The following WNT4 variants were observed in gnomAD, a reference collection of about 807,000 sequenced individuals.
WNT4 encodes protein Wnt-4.
WNT4 carries 16 observed loss-of-function variants against 34.5 expected under a neutral mutation model. That is an observed-to-expected ratio of 0.46 (90% CI 0.31 to 0.70). The LOEUF (loss-of-function observed/expected upper bound fraction) is 0.70, where lower values mean the gene tolerates loss of function less well. Among genes scored for constraint, WNT4 ranks in the 30% least tolerant of loss-of-function variants. The pLI is 0.04. For synonymous variants in WNT4, 200 were observed against 211.9 expected (o/e 0.94, Z 0.49); for missense variants, 379 against 495.9 (o/e 0.76, Z 2.24).
At chr1:22,141,540 C>T (rs1646067242) in intron 1 of WNT4, among the ~76,000 whole-genome samples, 1 of 152,150 alleles carries the variant, frequency 6.6e-6, no homozygotes, top group Admixed American at 6.5e-5. Context: ...GCCACTGCTC[C>T]TGAAGTGTTA....
In WNT4 at chr1:22,142,185, A is replaced by G. The variant is rs913696476; in HGVS notation, c.77+661T>C. ...CCACCCCTTCCTCCTTAGGCTAGAC[A>G]CGGGGAGCTGGGGGGCCGTTGTCTT... On this transcript the variant is annotated intron_variant, in intron 1 of 4. Coordinates refer to ENST00000290167, the MANE Select transcript of WNT4 (RefSeq NM_030761.5). The surrounding 1 kb of genome is among the most constrained non-coding windows in gnomAD (Gnocchi z 6.0). Among the ~76,000 whole-genome samples, 7 of 152,222 alleles carry G rather than the reference A, an allele frequency of 4.6e-5. No individual in the cohort carries two copies. The South Asian group carries it at 8.3e-4, about 18-fold the overall frequency.
intron 2 of WNT4, chr1:22,126,991 A>T (rs770570092): frequency 3.9e-5 from 13 of 332,384 alleles, no homozygotes; most frequent in Non-Finnish European, 7.7e-5. Context: ...CTCAGACCTC[A>T]GGAGGGACAA....
intron 2 of WNT4, among the ~76,000 whole-genome samples, chr1:22,126,678 T>C (rs568901148): frequency 6.6e-6 from 1 of 152,374 alleles, no homozygotes; most frequent in African/African-American, 2.4e-5. Flanking sequence ...GCCGCTCATG[T>C]ATGCAGGCTC....
chr1:22,129,911 C>T, intron 1 of WNT4, 60 bp from the exon 2 acceptor site: 2 of 1,587,336 alleles, frequency 1.3e-6, no homozygotes, highest in Non-Finnish European at 8.6e-7. Context: ...GGCCCCGGAC[C>T]AGGCCTGAGC....
At chr1:22,133,871 TG>T (rs1646002070) in intron 1 of WNT4, among the ~76,000 whole-genome samples, 1 of 152,228 alleles carries the variant, frequency 6.6e-6, no homozygotes. Flanking sequence ...GCCCTTGCCC[TG>T]CCAGGGAGAT....
At chr1:22,130,885 A>G (rs1464684154) in intron 1 of WNT4, among the ~76,000 whole-genome samples, 1 of 152,268 alleles carries the variant, frequency 6.6e-6, no homozygotes, top group Non-Finnish European at 1.5e-5. Flanking sequence ...GATGATAAGA[A>G]GAAACTTATG....
chr1:22,138,203 C>T (rs1646037126), intron 1 of WNT4, among the ~76,000 whole-genome samples: 1 of 152,190 alleles, frequency 6.6e-6, no homozygotes, highest in Admixed American at 6.5e-5. Flanking sequence ...GAGAGCAGTT[C>T]CAGTCCTGCT....
At chr1:22,126,334 C>T (rs1239136651) in intron 2 of WNT4, among the ~76,000 whole-genome samples, 1 of 152,200 alleles carries the variant, frequency 6.6e-6, no homozygotes, top group Non-Finnish European at 1.5e-5. Context: ...GGCATCATCT[C>T]TCTGATCCTC....
At chr1:22,132,492 G>C (rs1057058929) in intron 1 of WNT4, among the ~76,000 whole-genome samples, 7 of 152,216 alleles carry the variant, frequency 4.6e-5, no homozygotes, top group Non-Finnish European at 7.4e-5. Context: ...CACTGTCGGA[G>C]TTGGTGGGCC....
chr1:22,125,956 ATTTAATAT>A (rs1400212145), intron 2 of WNT4, among the ~76,000 whole-genome samples: 1 of 152,162 alleles, frequency 6.6e-6, no homozygotes, highest in Non-Finnish European at 1.5e-5. Flanking sequence ...GGTCCTGCTC[ATTTAATAT>A]TTTAATATTT....
chr1:22,128,285 G>C (rs760767015), intron 2 of WNT4, among the ~76,000 whole-genome samples: 3 of 152,212 alleles, frequency 2.0e-5, no homozygotes, highest in Non-Finnish European at 4.4e-5. Flanking sequence ...GTCAGGAGAA[G>C]GGTTGGCCCA....
intron 2 of WNT4, among the ~76,000 whole-genome samples, chr1:22,124,633 A>T (rs1304937100): frequency 6.6e-6 from 1 of 152,326 alleles, no homozygotes; most frequent in African/African-American, 2.4e-5. Flanking sequence ...TGGGTTCCTC[A>T]GGCAGTAAAT....
chr1:22,126,103 G>A (rs902912914), intron 2 of WNT4, among the ~76,000 whole-genome samples: 1 of 152,114 alleles, frequency 6.6e-6, no homozygotes, highest in African/African-American at 2.4e-5. Flanking sequence ...CCGCCCTCCC[G>A]GCTGTGCCAG....
rs1645860486 is a variant in WNT4 at position 22,117,740 on chromosome 1, A to C, written c.*2310T>G. ...AGGTCGCAACCTTCAGAACCCCAGG[A>C]AGATCAGCTTTAGGAACTCCCTGGC... On this transcript the variant is annotated 3_prime_UTR_variant, in exon 5 of 5. Transcript: ENST00000290167. The C allele has an allele frequency of 6.6e-6, 1 of 152,300 alleles. No individual in the cohort carries two copies. Among genetic ancestry groups the C allele is most frequent in the Non-Finnish European group, 1.5e-5 (1 of 68,128 alleles). The allele number at this position is 152,300 out of a possible 1,614,324, so 9.4% of individuals were successfully genotyped here.
chr1:22,132,721 A>G (rs915567938), intron 1 of WNT4, among the ~76,000 whole-genome samples: 2 of 152,146 alleles, frequency 1.3e-5, no homozygotes, highest in Non-Finnish European at 2.9e-5. Flanking sequence ...GCCGTGAGTC[A>G]CTGGGCCAGC....
At chr1:22,126,819 G>A (rs373466376) in intron 2 of WNT4, among the ~76,000 whole-genome samples, 1 of 152,234 alleles carries the variant, frequency 6.6e-6, no homozygotes, top group African/African-American at 2.4e-5. Flanking sequence ...CTGTATCTTC[G>A]TGACAGCCTC....
rs981470635 is a variant in WNT4 at position 22,140,136 on chromosome 1, G to A, written c.77+2710C>T. The A allele has an allele frequency of 8.2e-6, 8 of 977,170 alleles. No homozygotes were observed. The African/African-American group carries it at 1.4e-4, about 17-fold the overall frequency. The allele number at this position is 977,170 out of a possible 1,614,324, so 60.5% of individuals were successfully genotyped here. A position where few individuals can be genotyped will look rare whatever the true frequency, so the allele number is the denominator to read the frequency against. On this transcript the variant is annotated intron_variant, in intron 1 of 4. Coordinates refer to ENST00000290167, the MANE Select transcript of WNT4 (RefSeq NM_030761.5). This position sits in a 1 kb window ranked among gnomAD's most constrained non-coding sequence, Gnocchi z 5.9. ...GGTATTGGGAGGCGAGCGGAACCTAGACCTTGCTCCTTGGCAGGTGCTGTC... is the reference window on the plus strand; with the variant it reads ...GGTATTGGGAGGCGAGCGGAACCTAAACCTTGCTCCTTGGCAGGTGCTGTC...
At chr1:22,125,732 G>A (rs1645935438) in intron 2 of WNT4, among the ~76,000 whole-genome samples, 1 of 152,258 alleles carries the variant, frequency 6.6e-6, no homozygotes, top group Non-Finnish European at 1.5e-5. Context: ...GAGGAGGCCC[G>A]GTGCTGTCTA....
Position 22,142,005 on chromosome 1 carries a change from A to G in WNT4, c.77+841T>C, listed in dbSNP as rs1646071726. Reference sequence around the variant, plus strand: ...CATGGGGAACTGTCCCTGAGCGGGGATGAAAGGAGCGCGGGTCCGCTTGCT... The same window carrying G: ...CATGGGGAACTGTCCCTGAGCGGGGGTGAAAGGAGCGCGGGTCCGCTTGCT... On this transcript the variant is annotated intron_variant, in intron 1 of 4. Transcript: ENST00000290167. The surrounding 1 kb of genome is among the most constrained non-coding windows in gnomAD (Gnocchi z 6.0). 6.6e-6 allele frequency among the ~76,000 whole-genome samples: 1 copy of G among 152,124 alleles called. No homozygotes were observed. The highest frequency in any genetic ancestry group is 1.5e-5 in the Non-Finnish European group (1 of 68,014).
Sources: gnomAD v4.1 joint callset for allele counts (sites outside exome capture counted in the v4.1 genomes callset) on GRCh38, gnomAD v4.1.1 for gene constraint, Gnocchi (gnomAD v3.1) non-coding constraint, MANE v1.5 for transcripts, NCBI Gene and HGNC (gene_info 2026-07-23, HGNC 2026-07-21) for gene names.